Variants in CPE observed in about 807,000 individuals in gnomAD.
CPE encodes carboxypeptidase E, also known as carbocypeptidase E.
In CPE, 17 loss-of-function variants were observed where a neutral mutation model predicts 53.5. That is an observed-to-expected ratio of 0.32 (90% CI 0.22 to 0.48). The LOEUF (loss-of-function observed/expected upper bound fraction) is 0.48, where lower values mean the gene tolerates loss of function less well. Among genes scored for constraint, CPE ranks in the 20% least tolerant of loss-of-function variants. The probability of loss-of-function intolerance (pLI) is 0.99; values close to 1 mark genes in which losing one functional copy is unlikely to be tolerated. For synonymous variants in CPE, 226 were observed against 228.8 expected (o/e 0.99, Z 0.11); for missense variants, 524 against 614.7 (o/e 0.85, Z 1.56).
At chr4:165,437,233 C>T (rs1020819072) in intron 1 of CPE, among the ~76,000 whole-genome samples, 1 of 152,196 alleles carries the variant, frequency 6.6e-6, no homozygotes, top group Non-Finnish European at 1.5e-5. Flanking sequence ...ATTCTAAGCC[C>T]TGGGTCAGAT....
chr4:165,403,291 A>G (rs1310240859), intron 1 of CPE, among the ~76,000 whole-genome samples: 1 of 152,214 alleles, frequency 6.6e-6, no homozygotes, highest in Non-Finnish European at 1.5e-5. Context: ...GCTCATGTCA[A>G]CTAAATGTGA....
intron 1 of CPE, among the ~76,000 whole-genome samples, chr4:165,456,253 A>G (rs1190089740): frequency 6.6e-6 from 1 of 152,142 alleles, no homozygotes; most frequent in African/African-American, 2.4e-5. Flanking sequence ...ATTATGGCTA[A>G]TATTTAGGGC....
intron 1 of CPE, among the ~76,000 whole-genome samples, chr4:165,460,801 G>A (rs958564722): frequency 2.0e-5 from 3 of 152,240 alleles, no homozygotes; most frequent in African/African-American, 4.8e-5. Context: ...TTACAAGAAT[G>A]CAAATCCCTA....
chr4:165,457,168 G>A (rs992817108), intron 1 of CPE, among the ~76,000 whole-genome samples: 1 of 152,154 alleles, frequency 6.6e-6, no homozygotes, highest in Non-Finnish European at 1.5e-5. Flanking sequence ...CACATGCAGT[G>A]GTGGGTTGGA....
intron 1 of CPE, among the ~76,000 whole-genome samples, chr4:165,428,842 C>T (rs376854503): frequency 7.9e-5 from 12 of 152,294 alleles, no homozygotes; most frequent in Admixed American, 3.3e-4. Context: ...ATTTAGAGCT[C>T]ACCCAGGTAA....
At chr4:165,493,490 A>G (rs1303835520) in intron 7 of CPE, among the ~76,000 whole-genome samples, 1 of 152,168 alleles carries the variant, frequency 6.6e-6, no homozygotes, top group Non-Finnish European at 1.5e-5. Flanking sequence ...GGTGCAGCAG[A>G]TGGCGCCCTT....
rs1252498867 is a variant in CPE at position 165,379,808 on chromosome 4, G to T, written c.307+280G>T. 1.3e-5 allele frequency among the ~76,000 whole-genome samples: 2 copies of T among 152,174 alleles called. No individual in the cohort carries two copies. Among genetic ancestry groups the T allele is most frequent in the Admixed American group, 6.5e-5 (1 of 15,290 alleles). Reference sequence around the variant, plus strand: ...CACCCTCTAGTAAGTATAGGCTTGGGAGGCTGGGGTGGCGGGGGATGGGGG... The same window carrying T: ...CACCCTCTAGTAAGTATAGGCTTGGTAGGCTGGGGTGGCGGGGGATGGGGG... On this transcript the variant is annotated intron_variant, in intron 1 of 8. Transcript: ENST00000402744. The surrounding 1 kb of genome is among the most constrained non-coding windows in gnomAD (Gnocchi z 6.0).
chr4:165,473,664 TCAGGCACC>T (rs1732244769), intron 3 of CPE, among the ~76,000 whole-genome samples: 1 of 152,230 alleles, frequency 6.6e-6, no homozygotes, highest in South Asian at 2.1e-4. Flanking sequence ...TAAATATTAA[TCAGGCACC>T]CATCTTGGAA....
chr4:165,493,498 C>A (rs568286209), intron 7 of CPE, among the ~76,000 whole-genome samples: 1 of 152,160 alleles, frequency 6.6e-6, no homozygotes, highest in Non-Finnish European at 1.5e-5. Flanking sequence ...AGATGGCGCC[C>A]TTTCCTCAGC....
At chr4:165,479,354 A>C (rs977766272) in intron 3 of CPE, among the ~76,000 whole-genome samples, 2 of 152,222 alleles carry the variant, frequency 1.3e-5, no homozygotes, top group Non-Finnish European at 2.9e-5. Flanking sequence ...AGACAAATCC[A>C]TCTCATAAAT....
At chr4:165,386,599 G>A (rs950326422) in intron 1 of CPE, among the ~76,000 whole-genome samples, 2 of 152,192 alleles carry the variant, frequency 1.3e-5, no homozygotes, top group African/African-American at 4.8e-5. Flanking sequence ...ATACCAATGT[G>A]AATTACATGT....
At chr4:165,405,524 A>G (rs1730938993) in intron 1 of CPE, 1 of 953,176 alleles carries the variant, frequency 1.0e-6, no homozygotes, top group Admixed American at 1.7e-5. Flanking sequence ...TTTTTTGTAA[A>G]TCTGTTGCCT....
intron 1 of CPE, among the ~76,000 whole-genome samples, chr4:165,420,798 T>A (rs1055300090): frequency 6.6e-6 from 1 of 152,188 alleles, no homozygotes; most frequent in African/African-American, 2.4e-5. Context: ...TTAGGTACTT[T>A]AAGCATTTGG....
chr4:165,444,388 G>A (rs534152220), intron 1 of CPE, among the ~76,000 whole-genome samples: 3 of 152,186 alleles, frequency 2.0e-5, no homozygotes, highest in South Asian at 2.1e-4. Flanking sequence ...TTGACCAGGC[G>A]CAGTGGCTCA....
chr4:165,404,268 G>C (rs879908214), intron 1 of CPE: 11 of 768,282 alleles, frequency 1.4e-5, no homozygotes, highest in Non-Finnish European at 2.4e-5. Context: ...CCCTCTGCAG[G>C]TGTGGCCAAG....
intron 5 of CPE, among the ~76,000 whole-genome samples, chr4:165,486,806 T>C (rs1207143891): frequency 6.6e-6 from 1 of 152,182 alleles, no homozygotes; most frequent in African/African-American, 2.4e-5. Context: ...TCTGTGCTTA[T>C]CAATATCCCA....
At position 165,379,220 on chromosome 4, in the gene CPE, C is replaced by T. The variant is rs1010753915; in HGVS notation, c.-2C>T. On this transcript the variant is annotated 5_prime_UTR_variant, in exon 1 of 9. Transcript: ENST00000402744. This position sits in a 1 kb window ranked among gnomAD's most constrained non-coding sequence, Gnocchi z 6.0. ...CACGGCCGGCGGCGGCGGAGCGCAGCGATGGCCGGGCGAGGGGGCAGCGCG... is the reference window on the plus strand; with the variant it reads ...CACGGCCGGCGGCGGCGGAGCGCAGTGATGGCCGGGCGAGGGGGCAGCGCG... 10 of 1,229,620 alleles carry T rather than the reference C, an allele frequency of 8.1e-6. No individual in the cohort carries two copies. The highest frequency in any genetic ancestry group is 9.1e-6 in the Non-Finnish European group (9 of 988,650). The allele number at this position is 1,229,620 out of a possible 1,614,324, so 76.2% of individuals were successfully genotyped here.
intron 1 of CPE, among the ~76,000 whole-genome samples, chr4:165,392,336 G>GTATATGTAATATACA (rs1730695826): frequency 6.9e-6 from 1 of 144,672 alleles, no homozygotes; most frequent in Admixed American, 7.0e-5. Flanking sequence ...TATGATATAT[G>GTATATGTAATATACA]TATATGTAAT....
intron 1 of CPE, among the ~76,000 whole-genome samples, chr4:165,407,881 A>T (rs1730978223): frequency 6.7e-6 from 1 of 148,628 alleles, no homozygotes; most frequent in African/African-American, 2.5e-5. Flanking sequence ...TTTTAAAGAG[A>T]CGGAGTTCCG....
Sources: gnomAD v4.1 joint callset for allele counts (sites outside exome capture counted in the v4.1 genomes callset) on GRCh38, gnomAD v4.1.1 for gene constraint, Gnocchi (gnomAD v3.1) non-coding constraint, MANE v1.5 for transcripts, NCBI Gene and HGNC (gene_info 2026-07-23, HGNC 2026-07-21) for gene names.